The following TNRC18 variants were observed in gnomAD, a reference collection of about 807,000 sequenced individuals.
The protein encoded by TNRC18 is trinucleotide repeat containing 18, also known as trinucleotide repeat-containing gene 18 protein.
Under a neutral mutation model 226.7 loss-of-function variants are expected in TNRC18, and 69 were observed. The ratio of observed to expected loss-of-function variants is 0.30; its 90% CI spans 0.25 to 0.37. TNRC18 has a LOEUF of 0.37. TNRC18 is among the 10% of genes least tolerant of loss of function. The pLI is 1.00. For synonymous variants in TNRC18, 2,449 were observed against 1,927.6 expected (o/e 1.27, Z -7.09); for missense variants, 4,754 against 4,256.6 (o/e 1.12, Z -3.25).
chr7:5,345,517 G>GGTC, intron 18 of TNRC18, 45 bp downstream of exon 18: 1 of 377,744 alleles, frequency 2.6e-6, no homozygotes, highest in South Asian at 4.4e-5. Context: ...AATGGCGTCC[G>GGTC]CCCCTCCCAC....
Position 5,345,859 on chromosome 7 carries a change from G to A in TNRC18, c.5471-49C>T, listed in dbSNP as rs919311064. The stretch of plus-strand genomic sequence containing the variant: ...GAGTCAGAGCCTTGGCCTTGGCGAG[G>A]GCCACCCCCCACCGCCCCCTGGCCC... On this transcript the variant is annotated intron_variant, in intron 17 of 29. Transcript: ENST00000430969. 9 of 1,505,538 alleles carry A rather than the reference G, an allele frequency of 6.0e-6. No homozygotes were observed. In the Admixed American group the frequency reaches 8.2e-5, roughly 14 times the overall value. 93.3% of individuals were successfully genotyped at this position (1,505,538 alleles called of 1,614,324 possible).
intron 2 of TNRC18, among the ~76,000 whole-genome samples, chr7:5,412,604 T>G (rs998154019): frequency 6.6e-6 from 1 of 151,558 alleles, no homozygotes; most frequent in African/African-American, 2.4e-5. Context: ...AAAATAAAAA[T>G]AAAAAAATAA....
At chr7:5,393,974 T>C (rs1370208973) in intron 3 of TNRC18, among the ~76,000 whole-genome samples, 1 of 152,022 alleles carries the variant, frequency 6.6e-6, no homozygotes, top group Non-Finnish European at 1.5e-5. Context: ...TCCCAAACTG[T>C]TGGGATTACA....
chr7:5,414,236 G>A (rs891618234), intron 2 of TNRC18, among the ~76,000 whole-genome samples: 4 of 151,402 alleles, frequency 2.6e-5, no homozygotes, highest in African/African-American at 7.3e-5. Flanking sequence ...CATGAACCCC[G>A]TGCCCAGCCT....
chr7:5,353,890 T>C (rs573854546), intron 16 of TNRC18, among the ~76,000 whole-genome samples: 32 of 152,260 alleles, frequency 2.1e-4, no homozygotes, highest in Admixed American at 2.0e-3. Context: ...ACAGGCACGA[T>C]GGAGTGAAGT....
Position 5,322,700 on chromosome 7 carries a change from C to T in TNRC18, c.6443-1510G>A, listed in dbSNP as rs184762409. 4.0e-3 allele frequency among the ~76,000 whole-genome samples: 617 copies of T among 152,380 alleles called. 4 individuals carry two copies. The highest frequency in any genetic ancestry group is 8.4e-3 in the African/African-American group (349 of 41,598). ...ATTGCCCCAACCCTCTGCTCCCTCC[C>T]TCTCCCTGCCCCTGCCAAGACACTT... On this transcript the variant is annotated intron_variant, in intron 21 of 29. Coordinates refer to ENST00000430969, the MANE Select transcript of TNRC18 (RefSeq NM_001080495.3).
At chr7:5,386,774 C>T (rs1779821490) in intron 5 of TNRC18, among the ~76,000 whole-genome samples, 1 of 151,954 alleles carries the variant, frequency 6.6e-6, no homozygotes, top group African/African-American at 2.4e-5. Context: ...AATTTATAAA[C>T]TAAAAATAAA....
chr7:5,326,910 G>A (rs538601215), intron 19 of TNRC18, among the ~76,000 whole-genome samples: 3 of 151,894 alleles, frequency 2.0e-5, no homozygotes, highest in South Asian at 4.2e-4. Context: ...GGATCACGAG[G>A]TCAGGAGATC....
intron 15 of TNRC18, 103 bp from the exon 16 acceptor site, chr7:5,357,379 C>T (rs1792552949): frequency 1.6e-6 from 2 of 1,282,326 alleles, no homozygotes; most frequent in Non-Finnish European, 2.1e-6. Flanking sequence ...CCTTCACCTG[C>T]CTCTGTGATT....
intron 3 of TNRC18, among the ~76,000 whole-genome samples, chr7:5,393,372 A>G (rs1443999562): frequency 6.6e-6 from 1 of 152,246 alleles, no homozygotes; most frequent in African/African-American, 2.4e-5. Context: ...CATCTGTACA[A>G]TGGGCAAAGT....
intron 11 of TNRC18, among the ~76,000 whole-genome samples, chr7:5,366,266 G>C (rs1421646352): frequency 6.6e-6 from 1 of 150,992 alleles, no homozygotes; most frequent in Admixed American, 6.6e-5. Context: ...AATGTCCCCT[G>C]GGGGGACAAA....
At chr7:5,326,736 G>T (rs1032087158) in intron 19 of TNRC18, among the ~76,000 whole-genome samples, 38 of 151,684 alleles carry the variant, frequency 2.5e-4, no homozygotes, top group African/African-American at 9.2e-4. Context: ...GCACCCGGTA[G>T]GCGGAGGTTG....
Position 5,313,094 on chromosome 7 carries a change from GC to G in TNRC18, c.7796del (p.Gly2599AlafsTer202), listed in dbSNP as rs1313713603. ...TGGAGCTGGCAGCGCTGCAGTTACG[GC>G]CCCCGGTGCCGCAGCCCCCGTCCCC... ...KNGDGGCGTG[G>X]RNCSAASSRA... On this transcript the variant is annotated frameshift_variant, in exon 27 of 30. Transcript: ENST00000430969. LOFTEE classifies it high-confidence loss of function. 8.9e-6 allele frequency: 12 copies of G among 1,354,334 alleles called. No individual in the cohort carries two copies. Among genetic ancestry groups the G allele is most frequent in the Non-Finnish European group, 1.2e-5 (12 of 979,434 alleles). 83.9% of individuals were successfully genotyped at this position (1,354,334 alleles called of 1,614,324 possible). A position where few individuals can be genotyped will look rare whatever the true frequency, so the allele number is the denominator to read the frequency against.
intron 11 of TNRC18, among the ~76,000 whole-genome samples, chr7:5,363,799 A>G (rs1344137039): frequency 6.6e-6 from 1 of 152,030 alleles, no homozygotes; most frequent in African/African-American, 2.4e-5. Context: ...GTGAATATGC[A>G]TAGCTCTTAT....
At chr7:5,355,283 A>T (rs371170661) in intron 16 of TNRC18, among the ~76,000 whole-genome samples, 6,594 of 152,328 alleles carry the variant, frequency 0.043, 295 homozygotes, top group African/African-American at 0.1. Flanking sequence ...GTCTCTTGTT[A>T]AATGAGATAA....
In TNRC18 at chr7:5,377,306, T is replaced by C. The variant is rs1056963475; in HGVS notation, c.2461+65A>G. 6 of 1,415,184 alleles carry C rather than the reference T, an allele frequency of 4.2e-6. No individual in the cohort carries two copies. In the African/African-American group the frequency reaches 8.7e-5, roughly 20 times the overall value. 87.7% of individuals were successfully genotyped at this position (1,415,184 alleles called of 1,614,324 possible). A position where few individuals can be genotyped will look rare whatever the true frequency, so the allele number is the denominator to read the frequency against. On this transcript the variant is annotated intron_variant, in intron 7 of 29. Transcript: ENST00000430969. This position sits in a 1 kb window ranked among gnomAD's most constrained non-coding sequence, Gnocchi z 5.8. ...GGCAGGAGCCAGCCCTGAGCTCTTG[T>C]CCTGCACCCGCCCCCTCCCACCCCT... is the stretch of plus-strand genomic sequence containing the variant.
chr7:5,400,412 C>T (rs967770582), intron 2 of TNRC18, among the ~76,000 whole-genome samples: 1 of 151,874 alleles, frequency 6.6e-6, no homozygotes, highest in African/African-American at 2.4e-5. Context: ...GGGTTCTAGA[C>T]CAGCCTGACC....
intron 2 of TNRC18, among the ~76,000 whole-genome samples, chr7:5,404,742 C>T (rs1781348758): frequency 6.7e-6 from 1 of 150,160 alleles, no homozygotes; most frequent in Non-Finnish European, 1.5e-5. Context: ...ATCAAAACCC[C>T]AGCAGCGCAT....
In TNRC18 at chr7:5,370,544, C is replaced by T; in HGVS notation, c.4050G>A (p.Glu1350=). 1 of 1,606,982 alleles carries T rather than the reference C, an allele frequency of 6.2e-7. No homozygotes were observed. The highest frequency in any genetic ancestry group is 2.2e-5 in the East Asian group (1 of 44,560). The change falls in exon 11 of 30, where the codon GAG becomes GAA. Residue 1350 remains glutamate (E), a synonymous_variant. Coordinates refer to ENST00000430969, the MANE Select transcript of TNRC18 (RefSeq NM_001080495.3). ...AGMNALAAAA[E]LPQARPLPSP... ...AGGGCAGAGGCCTGGCCTGGGGCAG[C>T]TCCGCAGCTGCCGCCAGGGCGTTCA...
Sources: gnomAD v4.1 joint callset for allele counts (sites outside exome capture counted in the v4.1 genomes callset) on GRCh38, gnomAD v4.1.1 for gene constraint, Gnocchi (gnomAD v3.1) non-coding constraint, MANE v1.5 for transcripts, NCBI Gene and HGNC (gene_info 2026-07-23, HGNC 2026-07-21) for gene names.